PPFIA2: variants seen among roughly 807,000 people sequenced by gnomAD.
The protein encoded by PPFIA2 is liprin-alpha-2.
PPFIA2 carries 46 observed loss-of-function variants against 175.5 expected under a neutral mutation model. The observed-to-expected ratio is 0.26, with a 90% CI of 0.21 to 0.34. The LOEUF (loss-of-function observed/expected upper bound fraction) is 0.34, where lower values mean the gene tolerates loss of function less well. PPFIA2 is among the 10% of genes least tolerant of loss of function. The probability of loss-of-function intolerance (pLI) is 1.00; values close to 1 mark genes in which losing one functional copy is unlikely to be tolerated. For missense variants in PPFIA2, 1,179 were observed against 1,506.1 expected, an observed-to-expected ratio of 0.78 and a Z score of 3.60; for synonymous variants, 568 against 511.4, an observed-to-expected ratio of 1.11 and a Z score of -1.49.
At chr12:81,630,135 AG>A (rs1212462080) in intron 4 of PPFIA2, among the ~76,000 whole-genome samples, 8 of 152,212 alleles carry the variant, frequency 5.3e-5, no homozygotes, top group African/African-American at 1.9e-4. Flanking sequence ...TCTTCCTTAG[AG>A]TCTCCAGTGG....
intron 24 of PPFIA2, among the ~76,000 whole-genome samples, chr12:81,290,043 G>GA (rs1357551909): frequency 1.3e-5 from 2 of 151,508 alleles, no homozygotes; most frequent in Non-Finnish European, 3.0e-5. Context: ...AAAGGAGGCT[G>GA]AATCAAATAA....
chr12:81,476,247 G>T (rs910770043), intron 4 of PPFIA2, among the ~76,000 whole-genome samples: 2 of 152,200 alleles, frequency 1.3e-5, no homozygotes, highest in African/African-American at 4.8e-5. Flanking sequence ...TGAAAGTGAT[G>T]TTGAGAGTTT....
intron 4 of PPFIA2, among the ~76,000 whole-genome samples, chr12:81,573,285 A>T (rs926736313): frequency 4.6e-5 from 7 of 152,024 alleles, no homozygotes; most frequent in Admixed American, 3.9e-4. Context: ...GTATTTTTTT[A>T]AATTAATGAT....
intron 7 of PPFIA2, among the ~76,000 whole-genome samples, chr12:81,424,199 G>T (rs2144017629): frequency 6.6e-6 from 1 of 152,010 alleles, no homozygotes; most frequent in South Asian, 2.1e-4. Flanking sequence ...CATTATATTA[G>T]AATTTTGATT....
chr12:81,602,108 A>C (rs1451189634), intron 4 of PPFIA2, among the ~76,000 whole-genome samples: 1 of 151,888 alleles, frequency 6.6e-6, no homozygotes, highest in African/African-American at 2.4e-5. Context: ...TACACTTAAA[A>C]TATTTTTCTT....
chr12:81,689,604 T>C (rs984001670), intron 3 of PPFIA2, among the ~76,000 whole-genome samples: 4 of 152,020 alleles, frequency 2.6e-5, no homozygotes, highest in African/African-American at 9.7e-5. Context: ...TAGAACATTC[T>C]ATAGTCATTA....
At chr12:81,487,474 G>A (rs1424192868) in intron 4 of PPFIA2, among the ~76,000 whole-genome samples, 1 of 151,408 alleles carries the variant, frequency 6.6e-6, no homozygotes, top group African/African-American at 2.4e-5. Flanking sequence ...TGTTAACAAT[G>A]AATTACTATT....
intron 9 of PPFIA2, chr12:81,377,929 T>C (rs2141811437): frequency 6.6e-6 from 1 of 152,094 alleles, no homozygotes; most frequent in African/African-American, 2.4e-5. Flanking sequence ...CATAATCAAG[T>C]TAAGATGAGG....
chr12:81,631,132 G>A (rs1439049143), intron 4 of PPFIA2, among the ~76,000 whole-genome samples: 2 of 152,158 alleles, frequency 1.3e-5, no homozygotes, highest in East Asian at 3.9e-4. Flanking sequence ...CTGGGCTCAA[G>A]CGAGCCACCT....
chr12:81,655,096 A>C (rs548644664), intron 4 of PPFIA2, among the ~76,000 whole-genome samples: 11 of 152,124 alleles, frequency 7.2e-5, no homozygotes, highest in Admixed American at 2.0e-4. Context: ...CATCAGTATA[A>C]ATTCTGTTGA....
At chr12:81,680,392 T>C (rs531817930) in intron 3 of PPFIA2, among the ~76,000 whole-genome samples, 9 of 152,122 alleles carry the variant, frequency 5.9e-5, no homozygotes, top group Admixed American at 2.6e-4. Flanking sequence ...TACAGTATCA[T>C]AGAGCTATTA....
chr12:81,643,486 T>A (rs2065641864), intron 4 of PPFIA2, among the ~76,000 whole-genome samples: 1 of 152,004 alleles, frequency 6.6e-6, no homozygotes, highest in Admixed American at 6.6e-5. Flanking sequence ...TAAGTCGAAG[T>A]AGAATGTTTA....
At chr12:81,439,181 C>T (rs548495779) in intron 7 of PPFIA2, among the ~76,000 whole-genome samples, 1 of 149,612 alleles carries the variant, frequency 6.7e-6, no homozygotes, top group Non-Finnish European at 1.5e-5. Flanking sequence ...CTCTCTCTCT[C>T]TCTCTATATA....
intron 3 of PPFIA2, among the ~76,000 whole-genome samples, chr12:81,681,653 T>C (rs954484689): frequency 1.3e-5 from 2 of 151,882 alleles, no homozygotes; most frequent in Non-Finnish European, 2.9e-5. Flanking sequence ...ATTAATAATG[T>C]GGCTCTCAGT....
intron 4 of PPFIA2, among the ~76,000 whole-genome samples, chr12:81,602,145 G>T (rs751321677): frequency 2.6e-5 from 4 of 151,832 alleles, no homozygotes; most frequent in Admixed American, 2.6e-4. Context: ...CTATATGGTT[G>T]TAAGTGTTAA....
At chr12:81,495,012 G>A (rs1418799539) in intron 4 of PPFIA2, among the ~76,000 whole-genome samples, 1 of 151,190 alleles carries the variant, frequency 6.6e-6, no homozygotes, top group Non-Finnish European at 1.5e-5. Context: ...AGTTATGGGT[G>A]CAGCACACCA....
At chr12:81,743,445 ACTTTTGCTG>A (rs2082611405) in intron 3 of PPFIA2, among the ~76,000 whole-genome samples, 1 of 131,086 alleles carries the variant, frequency 7.6e-6, no homozygotes, top group Non-Finnish European at 1.6e-5. Flanking sequence ...AAAAAAAAAA[ACTTTTGCTG>A]TAAAGGGAAA....
chr12:81,393,846 C>T (rs903959745), intron 8 of PPFIA2, among the ~76,000 whole-genome samples: 2 of 152,034 alleles, frequency 1.3e-5, no homozygotes, highest in South Asian at 2.1e-4. Flanking sequence ...TAAACTTCAA[C>T]TGGTAAAACT....
At chr12:81,590,300 T>C (rs1415258145) in intron 4 of PPFIA2, among the ~76,000 whole-genome samples, 2 of 152,020 alleles carry the variant, frequency 1.3e-5, no homozygotes, top group Admixed American at 1.3e-4. Context: ...AGTTATATGG[T>C]CCTCCAAATA....
Sources: gnomAD v4.1 joint callset for allele counts (sites outside exome capture counted in the v4.1 genomes callset) on GRCh38, gnomAD v4.1.1 for gene constraint, MANE v1.5 for transcripts, NCBI Gene and HGNC (gene_info 2026-07-23, HGNC 2026-07-21) for gene names.